ATG7: variants seen among roughly 807,000 people sequenced by gnomAD.
ATG7 encodes ubiquitin-like modifier-activating enzyme ATG7.
ATG7 carries 70 observed loss-of-function variants against 82.4 expected under a neutral mutation model. The observed-to-expected ratio is 0.85, with a 90% CI of 0.70 to 1.04. The LOEUF is 1.04. Ranked by LOEUF, ATG7 falls within the 50% of genes least tolerant of loss-of-function variation. ATG7 has a pLI of 0.00. For synonymous variants in ATG7, 287 were observed against 313.0 expected, an observed-to-expected ratio of 0.92 and a Z score of 0.88; for missense variants, 792 against 864.3, an observed-to-expected ratio of 0.92 and a Z score of 1.05.
chr3:11,384,572 C>T (rs2078170292), intron 19 of ATG7, among the ~76,000 whole-genome samples: 1 of 152,120 alleles, frequency 6.6e-6, no homozygotes. Flanking sequence ...GTAAATCGTA[C>T]TTTGTTTTGG....
At chr3:11,552,614 C>T (rs2071914123) in intron 20 of ATG7, among the ~76,000 whole-genome samples, 2 of 152,204 alleles carry the variant, frequency 1.3e-5, no homozygotes, top group South Asian at 4.1e-4. Context: ...CAGTGGAGAG[C>T]CCGTCCCTGC....
At chr3:11,564,698 C>T in the ATG7 span, 25 of 1,415,946 alleles carry the variant, frequency 1.8e-5, no homozygotes, top group Non-Finnish European at 2.1e-5. Context: ...ACCTCCCTCC[C>T]TCACCACCGC....
intron 20 of ATG7, among the ~76,000 whole-genome samples, chr3:11,452,056 A>G (rs564269657): frequency 1.3e-5 from 2 of 152,076 alleles, no homozygotes; most frequent in Admixed American, 6.5e-5. Context: ...GGGAGAGACT[A>G]CTAATGGGTA....
At chr3:11,281,327 A>G (rs1369071489) in intron 2 of ATG7, among the ~76,000 whole-genome samples, 3 of 152,238 alleles carry the variant, frequency 2.0e-5, no homozygotes, top group African/African-American at 7.2e-5. Flanking sequence ...ATATTACAAC[A>G]TTTCTCTAAC....
At chr3:11,378,236 C>G (rs1293748495) in intron 18 of ATG7, among the ~76,000 whole-genome samples, 2 of 148,542 alleles carry the variant, frequency 1.3e-5, no homozygotes. Context: ...AGGCTGGTCT[C>G]AAACTCCTGA....
At chr3:11,565,088 G>A in the ATG7 span, 1 of 1,361,010 alleles carries the variant, frequency 7.3e-7, no homozygotes, top group Non-Finnish European at 9.7e-7. This position sits in a 1 kb window ranked among gnomAD's most constrained non-coding sequence, Gnocchi z 4.1. Flanking sequence ...CTGTGCGCCA[G>A]GCACTCCGTG....
intron 19 of ATG7, among the ~76,000 whole-genome samples, chr3:11,389,156 C>T (rs2078563655): frequency 6.7e-6 from 1 of 148,454 alleles, no homozygotes. Flanking sequence ...ATCTTTGAAC[C>T]CAGGAGGTGG....
At chr3:11,318,621 C>G (rs1030636455) in intron 9 of ATG7, among the ~76,000 whole-genome samples, 13 of 152,152 alleles carry the variant, frequency 8.5e-5, no homozygotes, top group African/African-American at 3.1e-4. Flanking sequence ...CTACTTAAAA[C>G]CCTTCTAAGG....
At chr3:11,390,668 T>A (rs2078725598) in intron 19 of ATG7, among the ~76,000 whole-genome samples, 1 of 71,072 alleles carries the variant, frequency 1.4e-5, no homozygotes, top group Non-Finnish European at 3.7e-5. Context: ...TGTGGGTGGG[T>A]TTGATTTTTT....
At chr3:11,527,065 G>GTA (rs1302627223) in intron 20 of ATG7, among the ~76,000 whole-genome samples, 31 of 97,480 alleles carry the variant, frequency 3.2e-4, no homozygotes, top group Non-Finnish European at 4.2e-4. Flanking sequence ...GTGTGTGTGT[G>GTA]TGTGTGTATA....
At chr3:11,287,484 G>A (rs1944280423) in intron 3 of ATG7, among the ~76,000 whole-genome samples, 1 of 152,200 alleles carries the variant, frequency 6.6e-6, no homozygotes, top group African/African-American at 2.4e-5. Flanking sequence ...GGTGAGGAGT[G>A]ACAGGGCCGT....
chr3:11,274,203 A>G lies in ATG7; in HGVS notation c.-366+1773A>G, dbSNP rs1575075784. 2.6e-5 allele frequency among the ~76,000 whole-genome samples: 4 copies of G among 152,292 alleles called. No homozygotes were observed. In the South Asian group the frequency reaches 8.3e-4, roughly 32 times the overall value. ...TCGTTCCCAGCCAGCATCTCATTAT[A>G]GAGAATAAACATTTATTGAGCTTCA... On this transcript the variant is annotated intron_variant, in intron 1 of 20. Transcript: ENST00000693202.
chr3:11,493,918 G>A (rs1424307755), intron 20 of ATG7, among the ~76,000 whole-genome samples: 2 of 152,154 alleles, frequency 1.3e-5, no homozygotes, highest in Admixed American at 6.5e-5. Context: ...CTACTGAGGG[G>A]TATTGAGAAC....
At chr3:11,563,980 G>C in the ATG7 span, among the ~76,000 whole-genome samples, 4 of 152,180 alleles carry the variant, frequency 2.6e-5, no homozygotes, top group African/African-American at 7.2e-5. Context: ...CAGGGACACA[G>C]AGGCTCTTGC....
At chr3:11,449,928 A>G (rs2084943217) in intron 20 of ATG7, among the ~76,000 whole-genome samples, 1 of 152,240 alleles carries the variant, frequency 6.6e-6, no homozygotes, top group Non-Finnish European at 1.5e-5. Context: ...GAGTTGAAGT[A>G]AATTCAACAG....
In ATG7 at chr3:11,342,279, G is replaced by T. The variant is rs772394222; in HGVS notation, c.1125G>T (p.Met375Ile). 1.2e-6 allele frequency: 2 copies of T among 1,610,986 alleles called. No homozygotes were observed. The highest frequency in any genetic ancestry group is 1.7e-6 in the Non-Finnish European group (2 of 1,179,218). Reference protein sequence around the residue: ...TLGCNVARTLMGWGVRHITFV... With the variant: ...TLGCNVARTLIGWGVRHITFV... ...GTTGCAATGTAGCTAGGACGTTGAT[G>T]GTAAGTCGGAGGTGGGGGGTGCAAA... The change falls in exon 13 of 21, where the codon ATG becomes ATT. Residue 375 changes from methionine (M) to isoleucine (I), a missense_variant and splice_region_variant. Transcript: ENST00000693202.
rs569618477 is a variant in ATG7, at chr3:11,363,972, T to C, written c.1800-687T>C. Among the ~76,000 whole-genome samples, 21 of 152,304 alleles carry C rather than the reference T, an allele frequency of 1.4e-4. No homozygotes were observed. In the South Asian group the frequency reaches 1.7e-3, roughly 12 times the overall value. On this transcript the variant is annotated intron_variant, in intron 17 of 20. Transcript: ENST00000693202. Reference sequence around the variant, plus strand: ...TTAGCTATCTGTCATTTAAGTTTATTGCCACTCTCTGACAGGAAGTATTTG... The same window carrying C: ...TTAGCTATCTGTCATTTAAGTTTATCGCCACTCTCTGACAGGAAGTATTTG...
chr3:11,396,745 G>A (rs540565832), intron 19 of ATG7, among the ~76,000 whole-genome samples: 4 of 145,054 alleles, frequency 2.8e-5, no homozygotes, highest in South Asian at 2.2e-4. Context: ...TGGCGCCACC[G>A]CACTCCAGCC....
At chr3:11,381,735 A>C (rs1031597539) in intron 19 of ATG7, among the ~76,000 whole-genome samples, 5 of 152,204 alleles carry the variant, frequency 3.3e-5, no homozygotes, top group Non-Finnish European at 7.3e-5. Flanking sequence ...TTGGATTTTA[A>C]CAGCTGTGCT....
Sources: gnomAD v4.1 joint callset for allele counts (sites outside exome capture counted in the v4.1 genomes callset) on GRCh38, gnomAD v4.1.1 for gene constraint, Gnocchi (gnomAD v3.1) non-coding constraint, MANE v1.5 for transcripts, NCBI Gene and HGNC (gene_info 2026-07-23, HGNC 2026-07-21) for gene names.